Variants in NFATC1 observed in about 807,000 individuals in gnomAD.
NFATC1 encodes the protein nuclear factor of activated T cells 1, also known as nuclear factor of activated T-cells, cytoplasmic 1.
In NFATC1, 22 loss-of-function variants were observed where a neutral mutation model predicts 76.0. The observed-to-expected ratio is 0.29, with a 90% CI of 0.21 to 0.41. NFATC1 has a LOEUF of 0.41. Among genes scored for constraint, NFATC1 ranks in the 10% least tolerant of loss-of-function variants. NFATC1 has a pLI of 1.00. For synonymous variants in NFATC1, 704 were observed against 613.1 expected, an observed-to-expected ratio of 1.15 and a Z score of -2.19; for missense variants, 1,357 against 1,337.7, an observed-to-expected ratio of 1.01 and a Z score of -0.23.
At chr18:79,429,622 C>G (rs1035773107) in intron 2 of NFATC1, among the ~76,000 whole-genome samples, 4 of 152,140 alleles carry the variant, frequency 2.6e-5, no homozygotes, top group African/African-American at 9.7e-5. Flanking sequence ...GCAGCGGTCC[C>G]GTCTCCGCAG....
At chr18:79,503,102 G>A (rs1228847471) in intron 9 of NFATC1, among the ~76,000 whole-genome samples, 5 of 152,196 alleles carry the variant, frequency 3.3e-5, no homozygotes, top group African/African-American at 1.2e-4. Flanking sequence ...GGAAAGGTGG[G>A]GTTTATCCTC....
At chr18:79,463,050 T>C (rs1188414735) in intron 7 of NFATC1, among the ~76,000 whole-genome samples, 1 of 152,190 alleles carries the variant, frequency 6.6e-6, no homozygotes, top group Non-Finnish European at 1.5e-5. Context: ...GAAAGCAGCG[T>C]CTTCCACCCT....
rs369222462 is a variant in NFATC1, at chr18:79,410,884, G to A, written c.609G>A (p.Ser203=). ...ACCCGTACGCGTCCCCCCAGACGTC[G>A]CCATGGCAGTCTCCCTGCGTGTCTC... The part of the protein sequence containing the change: ...YSYPYASPQT[S]PWQSPCVSPK... Residue 203 remains serine (S), a synonymous_variant, in exon 2 of 10, where the codon TCG becomes TCA. Transcript: ENST00000427363. The surrounding 1 kb of genome is among the most constrained non-coding windows in gnomAD (Gnocchi z 6.7). The A allele has an allele frequency of 1.6e-5, 25 of 1,608,686 alleles. No individual in the cohort carries two copies. The highest frequency in any genetic ancestry group is 5.0e-5 in the Admixed American group (3 of 59,790).
At chr18:79,456,087 C>T (rs2087710527) in intron 6 of NFATC1, among the ~76,000 whole-genome samples, 1 of 152,186 alleles carries the variant, frequency 6.6e-6, no homozygotes, top group South Asian at 2.1e-4. Flanking sequence ...CTCTGACAGG[C>T]ACCTGGCCGT....
chr18:79,519,206 T>C (rs1242960872), intron 9 of NFATC1, among the ~76,000 whole-genome samples: 6 of 152,256 alleles, frequency 3.9e-5, no homozygotes, highest in African/African-American at 1.4e-4. Flanking sequence ...GGGAGAATTT[T>C]AGTCTGAGAA....
chr18:79,513,611 C>T (rs988914642), intron 9 of NFATC1, among the ~76,000 whole-genome samples: 2 of 152,366 alleles, frequency 1.3e-5, no homozygotes, highest in South Asian at 2.1e-4. Flanking sequence ...TCGTGGGCAG[C>T]CCTAGAGAAG....
rs534567111 is a variant in NFATC1, at chr18:79,454,593, C to T, written c.1903+2777C>T. ...GGGTGGGTGTTTGAGTCTCAGCCTG[C>T]GCTCCACGGAGCTTCCTCCCAGGTG... On this transcript the variant is annotated intron_variant, in intron 6 of 9. Coordinates refer to ENST00000427363, the MANE Select transcript of NFATC1 (RefSeq NM_001278669.2). 5.9e-5 allele frequency among the ~76,000 whole-genome samples: 9 copies of T among 152,290 alleles called. No homozygotes were observed. The South Asian group carries it at 1.7e-3, about 28-fold the overall frequency.
intron 8 of NFATC1, among the ~76,000 whole-genome samples, chr18:79,482,091 G>A (rs1437058865): frequency 2.1e-5 from 3 of 143,026 alleles, no homozygotes; most frequent in South Asian, 2.3e-4. Context: ...TTCCTGAGGT[G>A]TAATTCCAGC....
intron 1 of NFATC1, among the ~76,000 whole-genome samples, chr18:79,408,753 C>T (rs12968504): frequency 0.48 from 73,008 of 151,736 alleles, 20,134 homozygotes; most frequent in East Asian, 0.86. Context: ...CAAACCATTA[C>T]TCCTCCATTC....
Position 79,410,247 on chromosome 18 carries a change from G to A in NFATC1, c.128-156G>A. ...GGGCTGTCACTCCAAGTCGCCCGGA[G>A]CTGTCCGGCAGCGTGGTCTCAGGGA... On this transcript the variant is annotated intron_variant, in intron 1 of 9. Coordinates refer to ENST00000427363, the MANE Select transcript of NFATC1 (RefSeq NM_001278669.2). The surrounding 1 kb of genome is among the most constrained non-coding windows in gnomAD (Gnocchi z 6.7). The A allele has an allele frequency of 7.9e-7, 1 of 1,259,324 alleles. No homozygotes were observed. Among genetic ancestry groups the A allele is most frequent in the Admixed American group, 2.1e-5 (1 of 48,378 alleles). 78.0% of individuals were successfully genotyped at this position (1,259,324 alleles called of 1,614,324 possible). A position where few individuals can be genotyped will look rare whatever the true frequency, so the allele number is the denominator to read the frequency against.
At chr18:79,512,753 C>T (rs1415449950) in intron 9 of NFATC1, among the ~76,000 whole-genome samples, 3 of 152,238 alleles carry the variant, frequency 2.0e-5, no homozygotes, top group Non-Finnish European at 2.9e-5. Flanking sequence ...AGCCTGCACA[C>T]GTGAGCCACG....
At chr18:79,452,406 G>A (rs1600757197) in intron 6 of NFATC1, among the ~76,000 whole-genome samples, 1 of 152,328 alleles carries the variant, frequency 6.6e-6, no homozygotes, top group East Asian at 1.9e-4. Context: ...GCTGAACTTG[G>A]AAGGGCAGCA....
At chr18:79,406,782 G>GTTTGT (rs2085455632) in intron 1 of NFATC1, among the ~76,000 whole-genome samples, 1 of 151,962 alleles carries the variant, frequency 6.6e-6, no homozygotes, top group Non-Finnish European at 1.5e-5. Flanking sequence ...GTCCCCCACC[G>GTTTGT]CGCCTTCCTT....
At position 79,461,381 on chromosome 18, in the gene NFATC1, C is replaced by G. The variant is rs199501445; in HGVS notation, c.1959+15C>G. 2.1e-6 allele frequency: 3 copies of G among 1,451,376 alleles called. No individual in the cohort carries two copies. The African/African-American group carries it at 9.1e-5, about 44-fold the overall frequency. 89.9% of individuals were successfully genotyped at this position (1,451,376 alleles called of 1,614,324 possible). ...TGTGCAAGCCGGTGAGTGCCTTTGG[C>G]GCAGCTGGAGCTACTGTGGGTCCCC... On this transcript the variant is annotated intron_variant, in intron 7 of 9. Transcript: ENST00000427363.
chr18:79,410,704 C>T lies in NFATC1; in HGVS notation c.429C>T (p.Asp143=), dbSNP rs890106161. The stretch of plus-strand genomic sequence containing the variant: ...TTTTCCACGATGTGGAGGTGGAAGA[C>T]GTCCTCCCTAGCTCCAAACGGTCCC... ...NQFFHDVEVE[D]VLPSSKRSPS... is the part of the protein sequence containing the mutation. The change falls in exon 2 of 10, where the codon GAC becomes GAT. Residue 143 remains aspartate (D), a synonymous_variant. Transcript: ENST00000427363. The surrounding 1 kb of genome is among the most constrained non-coding windows in gnomAD (Gnocchi z 6.7). 27 of 1,612,936 alleles carry T rather than the reference C, an allele frequency of 1.7e-5. No homozygotes were observed. The highest frequency in any genetic ancestry group is 2.7e-5 in the African/African-American group (2 of 74,922).
chr18:79,512,866 C>T (rs969762655), intron 9 of NFATC1, among the ~76,000 whole-genome samples: 1 of 152,242 alleles, frequency 6.6e-6, no homozygotes, highest in African/African-American at 2.4e-5. Flanking sequence ...ACCAAGTCCA[C>T]TGGAAGAAAT....
intron 2 of NFATC1, among the ~76,000 whole-genome samples, chr18:79,433,020 T>G (rs2086653002): frequency 6.6e-6 from 1 of 152,104 alleles, no homozygotes; most frequent in Admixed American, 6.5e-5. Flanking sequence ...CTGCGTTTGC[T>G]CCCACCGCCC....
intron 9 of NFATC1, chr18:79,496,365 C>T (rs1398603543): frequency 6.6e-6 from 1 of 152,274 alleles, no homozygotes; most frequent in Admixed American, 6.5e-5. Context: ...ATTTAAAAAG[C>T]ATAACAGCCA....
chr18:79,501,344 C>G (rs1280138719), intron 9 of NFATC1, among the ~76,000 whole-genome samples: 1 of 151,982 alleles, frequency 6.6e-6, no homozygotes, highest in African/African-American at 2.4e-5. Flanking sequence ...TGATCAAAGT[C>G]ATACACAGAA....
Sources: allele counts gnomAD v4.1 joint callset (sites outside exome capture counted in the v4.1 genomes callset), GRCh38; gene constraint gnomAD v4.1.1; non-coding constraint Gnocchi (gnomAD v3.1); transcripts MANE v1.5; gene names NCBI Gene and HGNC (gene_info 2026-07-23, HGNC 2026-07-21).